The following RYR3 variants were observed in gnomAD, a reference collection of about 807,000 sequenced individuals.
The protein encoded by RYR3 is ryanodine receptor 3.
RYR3 carries 207 observed loss-of-function variants against 584.3 expected under a neutral mutation model. The observed-to-expected ratio is 0.35, with a 90% CI of 0.32 to 0.40. The LOEUF is 0.40. RYR3 is among the 10% of genes least tolerant of loss of function. RYR3 has a pLI of 1.00. For synonymous variants in RYR3, 2,416 were observed against 2,248.5 expected (o/e 1.07, Z -2.11); for missense variants, 5,616 against 6,089.2 (o/e 0.92, Z 2.59).
intron 1 of RYR3, among the ~76,000 whole-genome samples, chr15:33,401,901 CA>C (rs1274412590): frequency 1.3e-5 from 2 of 151,560 alleles, no homozygotes; most frequent in African/African-American, 4.9e-5. Flanking sequence ...TTGTGTTTTC[CA>C]AATCTTTTGT....
intron 38 of RYR3, among the ~76,000 whole-genome samples, chr15:33,687,370 C>T (rs1346239016): frequency 6.6e-6 from 1 of 152,174 alleles, no homozygotes; most frequent in Admixed American, 6.5e-5. Context: ...TGTGAAGGAC[C>T]TCTTCAAGGA....
At chr15:33,805,098 T>C (rs567445945) in intron 69 of RYR3, among the ~76,000 whole-genome samples, 20 of 152,356 alleles carry the variant, frequency 1.3e-4, no homozygotes, top group African/African-American at 4.8e-4. Flanking sequence ...CAAATGTATG[T>C]TAAGCTAAAT....
At chr15:33,443,478 AAAGC>A (rs1486109007) in intron 1 of RYR3, among the ~76,000 whole-genome samples, 1 of 152,198 alleles carries the variant, frequency 6.6e-6, no homozygotes, top group Non-Finnish European at 1.5e-5. Flanking sequence ...GATGTTTAGT[AAAGC>A]AAAGTTTGCA....
intron 20 of RYR3, among the ~76,000 whole-genome samples, chr15:33,625,625 A>G (rs2152612241): frequency 6.6e-6 from 1 of 152,318 alleles, no homozygotes; most frequent in Admixed American, 6.5e-5. Context: ...TCACAAAGGA[A>G]TGTGGCTCAG....
At chr15:33,499,235 CCT>C (rs895600196) in intron 2 of RYR3, among the ~76,000 whole-genome samples, 11 of 150,954 alleles carry the variant, frequency 7.3e-5, no homozygotes, top group Non-Finnish European at 8.9e-5. Context: ...ATTTTCTACC[CCT>C]CTTTACCTCT....
intron 10 of RYR3, among the ~76,000 whole-genome samples, chr15:33,559,258 G>A (rs1048379795): frequency 6.6e-6 from 1 of 152,204 alleles, no homozygotes; most frequent in Non-Finnish European, 1.5e-5. Flanking sequence ...ATGTGTACAG[G>A]TATCCTCCAG....
intron 38 of RYR3, among the ~76,000 whole-genome samples, chr15:33,685,149 G>C (rs752452737): frequency 3.3e-5 from 5 of 152,138 alleles, no homozygotes; most frequent in Non-Finnish European, 7.3e-5. Flanking sequence ...ATCTAGACTG[G>C]CAAATTGGAT....
intron 1 of RYR3, among the ~76,000 whole-genome samples, chr15:33,425,869 C>T (rs202136388): frequency 1.2e-4 from 19 of 152,216 alleles, no homozygotes; most frequent in East Asian, 7.7e-4. Flanking sequence ...GTCTCAATCT[C>T]CTGACCTCGT....
At chr15:33,560,451 A>ATTTTT (rs3838862) in intron 10 of RYR3, among the ~76,000 whole-genome samples, 14 of 150,836 alleles carry the variant, frequency 9.3e-5, no homozygotes, top group African/African-American at 3.4e-4. Context: ...AGATCTTTGT[A>ATTTTT]TTTTTTTTTT....
chr15:33,760,262 G>A (rs1281609370), intron 60 of RYR3, among the ~76,000 whole-genome samples: 1 of 152,136 alleles, frequency 6.6e-6, no homozygotes, highest in African/African-American at 2.4e-5. Flanking sequence ...CATCATGACA[G>A]GATCAAATTC....
At chr15:33,580,179 G>A in intron 13 of RYR3, 35 bp downstream of exon 13, 1 of 1,512,700 alleles carries the variant, frequency 6.6e-7, no homozygotes, top group Non-Finnish European at 9.0e-7. Context: ...AATTCACTTA[G>A]TGTCCAGAGC....
intron 97 of RYR3, 106 bp from the exon 98 acceptor site, chr15:33,854,660 A>C: frequency 7.0e-7 from 1 of 1,430,360 alleles, no homozygotes; most frequent in Non-Finnish European, 9.5e-7. Flanking sequence ...CTCAGCACCT[A>C]AACCCCCTCT....
intron 78 of RYR3, 68 bp downstream of exon 78, chr15:33,820,880 G>C: frequency 1.9e-6 from 2 of 1,044,682 alleles, no homozygotes; most frequent in Non-Finnish European, 1.3e-6. Context: ...TTCAGAGGTG[G>C]GTGCTGACAT....
chr15:33,447,760 G>A (rs182041142), intron 1 of RYR3, among the ~76,000 whole-genome samples: 5 of 152,232 alleles, frequency 3.3e-5, no homozygotes, highest in Non-Finnish European at 5.9e-5. Context: ...CACAGAGTAC[G>A]GACCATTTCC....
At chr15:33,325,982 T>C (rs1969648140) in intron 1 of RYR3, among the ~76,000 whole-genome samples, 1 of 152,016 alleles carries the variant, frequency 6.6e-6, no homozygotes, top group Non-Finnish European at 1.5e-5. Context: ...TTGTAGTTTT[T>C]GTAGAGATGG....
At chr15:33,802,425 T>C (rs1385295581) in intron 69 of RYR3, among the ~76,000 whole-genome samples, 1 of 152,228 alleles carries the variant, frequency 6.6e-6, no homozygotes, top group Non-Finnish European at 1.5e-5. Flanking sequence ...TTATTTCAGC[T>C]GTGTTGATCT....
At chr15:33,645,168 G>A (rs947745660) in intron 28 of RYR3, among the ~76,000 whole-genome samples, 3 of 152,072 alleles carry the variant, frequency 2.0e-5, no homozygotes, top group African/African-American at 4.8e-5. Flanking sequence ...TTAAGCTGAC[G>A]TCTGATCATT....
In RYR3 at chr15:33,700,650, C is replaced by T. The variant is rs112543482; in HGVS notation, c.6380-327C>T. On this transcript the variant is annotated intron_variant, in intron 41 of 103. Transcript: ENST00000634891. ...GGTAGCCCCAGAAATATACAGGTTCCACTGGGCTTAGTTGGTCGAGTGGCA... is the reference window on the plus strand; with the variant it reads ...GGTAGCCCCAGAAATATACAGGTTCTACTGGGCTTAGTTGGTCGAGTGGCA... Among the ~76,000 whole-genome samples, 996 of 152,178 alleles carry T rather than the reference C, an allele frequency of 6.5e-3. 12 individuals are homozygous for T. Among genetic ancestry groups the T allele is most frequent in the African/African-American group, 0.023 (954 of 41,508 alleles).
intron 3 of RYR3, 46 bp downstream of exon 3, chr15:33,503,784 A>G (rs754360453): frequency 1.8e-6 from 2 of 1,089,306 alleles, no homozygotes; most frequent in South Asian, 1.3e-5. Flanking sequence ...GGTGCACCAC[A>G]TCCCCAAAAT....
Sources: allele counts gnomAD v4.1 joint callset (sites outside exome capture counted in the v4.1 genomes callset), GRCh38; gene constraint gnomAD v4.1.1; transcripts MANE v1.5; gene names NCBI Gene and HGNC (gene_info 2026-07-23, HGNC 2026-07-21).